The following ASH1L variants were observed in gnomAD, a reference collection of about 807,000 sequenced individuals.
ASH1L encodes histone-lysine N-methyltransferase ASH1L.
ASH1L carries 23 observed loss-of-function variants against 269.0 expected under a neutral mutation model. The observed-to-expected ratio is 0.09, with a 90% CI of 0.06 to 0.12. The LOEUF is 0.12. ASH1L is among the 10% of genes least tolerant of loss of function. The probability of loss-of-function intolerance (pLI) is 1.00; values close to 1 mark genes in which losing one functional copy is unlikely to be tolerated. For missense variants in ASH1L, 2,912 were observed against 3,567.8 expected (o/e 0.82, Z 4.68); for synonymous variants, 1,187 against 1,253.5 (o/e 0.95, Z 1.12).
chr1:155,357,561 G>C (rs1324173991), intron 14 of ASH1L, 24 bp downstream of exon 14: 2 of 1,613,082 alleles, frequency 1.2e-6, no homozygotes, highest in East Asian at 2.2e-5. Context: ...AGCTTTTGGG[G>C]AAAGTCATTA....
intron 7 of ASH1L, among the ~76,000 whole-genome samples, chr1:155,392,111 A>T (rs1407351769): frequency 6.6e-6 from 1 of 152,156 alleles, no homozygotes; most frequent in African/African-American, 2.4e-5. Context: ...TAGTATCTTT[A>T]GTCTCAACTA....
intron 3 of ASH1L, among the ~76,000 whole-genome samples, chr1:155,467,367 A>G (rs1664769604): frequency 6.6e-6 from 1 of 152,192 alleles, no homozygotes; most frequent in African/African-American, 2.4e-5. Flanking sequence ...ACCTGGCCTT[A>G]CTTAAGTGTG....
At chr1:155,412,508 C>G (rs951126640) in intron 6 of ASH1L, among the ~76,000 whole-genome samples, 23 of 152,144 alleles carry the variant, frequency 1.5e-4, no homozygotes, top group African/African-American at 5.6e-4. Context: ...GGGTAGTGCG[C>G]CCAAGGAGGG....
intron 19 of ASH1L, among the ~76,000 whole-genome samples, chr1:155,348,708 CCT>C: frequency 6.6e-6 from 1 of 151,990 alleles, no homozygotes; most frequent in South Asian, 2.1e-4. Context: ...ATGGTGAAAC[CCT>C]GTCTCTACTA....
chr1:155,389,266 G>C (rs1174469317), intron 7 of ASH1L, among the ~76,000 whole-genome samples: 1 of 151,910 alleles, frequency 6.6e-6, no homozygotes, highest in Non-Finnish European at 1.5e-5. Flanking sequence ...CCAAAGTGTT[G>C]GGATTACAGG....
At chr1:155,401,199 G>A (rs895046052) in intron 6 of ASH1L, among the ~76,000 whole-genome samples, 6 of 150,640 alleles carry the variant, frequency 4.0e-5, no homozygotes, top group Admixed American at 3.3e-4. Context: ...GCCGGTGGCC[G>A]GGCATGGTGG....
chr1:155,554,322 G>C (rs755074094), intron 1 of ASH1L, among the ~76,000 whole-genome samples: 23 of 151,666 alleles, frequency 1.5e-4, no homozygotes, highest in Admixed American at 1.2e-3. Context: ...GCCCAGGCTG[G>C]AGTGCAATGG....
At position 155,493,585 on chromosome 1, in the gene ASH1L, A is replaced by AG. The variant is rs200778842; in HGVS notation, c.421-11137dup. ...TTGCTTCATCAATAATTCATTTTTC[A>AG]GGGGGGGCATGGCGGTTCACGCCTG... On this transcript the variant is annotated intron_variant, in intron 2 of 27. Transcript: ENST00000392403. Among the ~76,000 whole-genome samples, 160 of 152,186 alleles carry AG rather than the reference A, an allele frequency of 1.1e-3. No homozygotes were observed. In the East Asian group the frequency reaches 0.024, roughly 23 times the overall value.
chr1:155,403,228 C>T (rs1417926776), intron 6 of ASH1L, among the ~76,000 whole-genome samples: 1 of 151,864 alleles, frequency 6.6e-6, no homozygotes, highest in Admixed American at 6.6e-5. Flanking sequence ...GCCTCTAATC[C>T]CAGCCTTTTG....
intron 4 of ASH1L, among the ~76,000 whole-genome samples, chr1:155,442,652 A>C (rs1304518308): frequency 6.6e-6 from 1 of 151,682 alleles, no homozygotes; most frequent in African/African-American, 2.4e-5. Flanking sequence ...GCTTCTGCTT[A>C]CAACTCTTAA....
intron 6 of ASH1L, among the ~76,000 whole-genome samples, chr1:155,414,955 A>C (rs1381973454): frequency 1.3e-5 from 2 of 152,202 alleles, no homozygotes; most frequent in Non-Finnish European, 2.9e-5. Flanking sequence ...AAGCAAGGCA[A>C]ATATTTTATT....
chr1:155,354,730 T>C (rs893397700), intron 15 of ASH1L, 100 bp from the exon 16 acceptor site: 4 of 1,157,386 alleles, frequency 3.5e-6, no homozygotes, highest in South Asian at 1.6e-5. Flanking sequence ...TATACGTGAA[T>C]TGAGCTGTTG....
Position 155,494,169 on chromosome 1 carries a change from T to C in ASH1L, c.421-11720A>G, listed in dbSNP as rs182771997. Among the ~76,000 whole-genome samples, 4 of 151,840 alleles carry C rather than the reference T, an allele frequency of 2.6e-5. No homozygotes were observed. The East Asian group carries it at 7.7e-4, about 29-fold the overall frequency. ...GATTGAAAACTCAATTGTGCAGAAA[T>C]GAAAAGGAGGTGAAAGACAAAGATG... On this transcript the variant is annotated intron_variant, in intron 2 of 27. Transcript: ENST00000392403.
At chr1:155,423,435 C>G (rs111806482) in intron 5 of ASH1L, among the ~76,000 whole-genome samples, 282 of 151,826 alleles carry the variant, frequency 1.9e-3, no homozygotes, top group African/African-American at 6.6e-3. Context: ...AAAAATTAGC[C>G]GGGTGCGGTG....
chr1:155,558,016 A>G (rs951639093), intron 1 of ASH1L, among the ~76,000 whole-genome samples: 34 of 152,334 alleles, frequency 2.2e-4, no homozygotes, highest in Admixed American at 1.6e-3. Context: ...CACCACCACA[A>G]TCTTACACAT....
At chr1:155,474,381 C>T (rs182050348) in intron 3 of ASH1L, among the ~76,000 whole-genome samples, 17 of 152,222 alleles carry the variant, frequency 1.1e-4, no homozygotes, top group Admixed American at 2.0e-4. Context: ...TCCGCTTCAA[C>T]GTTCAGACAC....
chr1:155,550,309 C>T (rs1397118976), intron 1 of ASH1L, among the ~76,000 whole-genome samples: 2 of 152,156 alleles, frequency 1.3e-5, no homozygotes, highest in African/African-American at 2.4e-5. Flanking sequence ...TGAACCACTA[C>T]GCCCAGTCCA....
intron 1 of ASH1L, among the ~76,000 whole-genome samples, chr1:155,537,441 T>C (rs998209350): frequency 1.3e-5 from 2 of 152,188 alleles, no homozygotes; most frequent in Non-Finnish European, 2.9e-5. Flanking sequence ...TCTTATTAGA[T>C]TTAACTAATC....
Position 155,477,956 on chromosome 1 carries a change from G to C in ASH1L, c.4914C>G (p.Asp1638Glu). ...TTCTGTGAAGCCGATTTAGTGAAGT[G>C]TCCTGTGCAGAAAAGAGTCCAGGGC... is the stretch of plus-strand genomic sequence containing the variant. ...TDSPGLFSAQ[D>E]TSLNRLHRKE... Residue 1638 changes from aspartate to glutamate, a missense_variant, in exon 3 of 28, where the codon GAC (aspartate) becomes GAG (glutamate). Transcript: ENST00000392403. 2.5e-6 allele frequency: 4 copies of C among 1,614,202 alleles called. No homozygotes were observed. The highest frequency in any genetic ancestry group is 3.4e-6 in the Non-Finnish European group (4 of 1,180,032).
Sources: gnomAD v4.1 joint callset for allele counts (sites outside exome capture counted in the v4.1 genomes callset) on GRCh38, gnomAD v4.1.1 for gene constraint, MANE v1.5 for transcripts, NCBI Gene and HGNC (gene_info 2026-07-23, HGNC 2026-07-21) for gene names.